UGGT2: variants seen among roughly 807,000 people sequenced by gnomAD.
UGGT2 encodes UDP-glucose glycoprotein glucosyltransferase 2.
In UGGT2, 180 loss-of-function variants were observed where a neutral mutation model predicts 192.1. The ratio of observed to expected loss-of-function variants is 0.94; its 90% CI spans 0.83 to 1.06. The LOEUF (loss-of-function observed/expected upper bound fraction) is 1.06, where lower values mean the gene tolerates loss of function less well. UGGT2 is among the 50% of genes least tolerant of loss of function. The probability of loss-of-function intolerance (pLI) is 0.00; values close to 1 mark genes in which losing one functional copy is unlikely to be tolerated. For missense variants in UGGT2, 1,849 were observed against 1,795.7 expected (o/e 1.03, Z -0.54); for synonymous variants, 580 against 591.0 (o/e 0.98, Z 0.27).
intron 1 of UGGT2, among the ~76,000 whole-genome samples, chr13:96,036,371 TG>T (rs1280120372): frequency 6.6e-6 from 1 of 151,950 alleles, no homozygotes; most frequent in African/African-American, 2.4e-5. Flanking sequence ...CATGGACACA[TG>T]GGGGTAACGA....
At position 96,019,125 on chromosome 13, in the gene UGGT2, G is replaced by T. The variant is rs1454404152; in HGVS notation, c.485+3915C>A. The stretch of plus-strand genomic sequence containing the variant: ...TTATTAACTTTGCCCTACATAGCGG[G>T]GGGGGGGGGGGGGAATGTTTCTGTC... On this transcript the variant is annotated intron_variant, in intron 4 of 38. Transcript: ENST00000376747. Among the ~76,000 whole-genome samples, 14 of 23,818 alleles carry T rather than the reference G, an allele frequency of 5.9e-4. 2 individuals carry two copies. Among genetic ancestry groups the T allele is most frequent in the Non-Finnish European group, 9.4e-5 (1 of 10,692 alleles). The allele number at this position is 23,818 out of a possible 152,430, so 15.6% of individuals were successfully genotyped here.
chr13:96,001,598 C>T (rs1490998351), intron 5 of UGGT2, among the ~76,000 whole-genome samples: 2 of 152,124 alleles, frequency 1.3e-5, no homozygotes, highest in Non-Finnish European at 2.9e-5. Context: ...ATGGGCATAG[C>T]TCCCCAGGGG....
intron 38 of UGGT2, among the ~76,000 whole-genome samples, chr13:95,825,644 G>A (rs558532115): frequency 3.6e-4 from 55 of 152,268 alleles, no homozygotes; most frequent in Admixed American, 6.5e-4. Context: ...GAGCTCCTGT[G>A]GGAGAAGCCC....
intron 10 of UGGT2, among the ~76,000 whole-genome samples, chr13:95,977,235 A>C (rs146817550): frequency 4.3e-4 from 65 of 152,344 alleles, no homozygotes; most frequent in African/African-American, 1.5e-3. Context: ...TCTGCACAGC[A>C]AAAGAAACTA....
intron 15 of UGGT2, among the ~76,000 whole-genome samples, chr13:95,946,725 T>C (rs982503699): frequency 2.6e-5 from 4 of 152,198 alleles, no homozygotes; most frequent in African/African-American, 4.8e-5. Context: ...TAAATAATCA[T>C]TTTCTATTAA....
At chr13:95,928,759 C>T (rs931017624) in intron 17 of UGGT2, among the ~76,000 whole-genome samples, 10 of 151,870 alleles carry the variant, frequency 6.6e-5, no homozygotes, top group Non-Finnish European at 1.0e-4. Context: ...GATGTGCGGC[C>T]AGGCAGAGAT....
chr13:95,830,725 CCTCA>C (rs1886575434), intron 38 of UGGT2, among the ~76,000 whole-genome samples: 1 of 152,204 alleles, frequency 6.6e-6, no homozygotes, highest in Non-Finnish European at 1.5e-5. Context: ...TGTGGCGATT[CCTCA>C]AGGATCTAAA....
chr13:96,046,551 A>C (rs1170117723), intron 1 of UGGT2, among the ~76,000 whole-genome samples: 1 of 152,208 alleles, frequency 6.6e-6, no homozygotes, highest in African/African-American at 2.4e-5. Context: ...GCGATGCAGA[A>C]GAAAGGTGAT....
intron 4 of UGGT2, among the ~76,000 whole-genome samples, chr13:96,020,718 T>G (rs1224121154): frequency 3.9e-5 from 6 of 152,108 alleles, no homozygotes; most frequent in Non-Finnish European, 8.8e-5. Flanking sequence ...TTGACCTTTT[T>G]CTTCTCGACC....
intron 21 of UGGT2, 45 bp from the exon 22 acceptor site, chr13:95,900,983 A>C (rs747494595): frequency 1.1e-5 from 14 of 1,321,558 alleles, no homozygotes; most frequent in Non-Finnish European, 1.3e-5. Context: ...GAGAACAGTA[A>C]ATATATTAAA....
chr13:95,834,217 T>TTGTGTG (rs3052314), intron 37 of UGGT2, among the ~76,000 whole-genome samples: 27 of 150,964 alleles, frequency 1.8e-4, no homozygotes, highest in African/African-American at 6.1e-4. Flanking sequence ...TACATTGGGT[T>TTGTGTG]TGTGTGTGTG....
At chr13:95,846,226 C>G (rs1252862605) in intron 36 of UGGT2, among the ~76,000 whole-genome samples, 2 of 152,174 alleles carry the variant, frequency 1.3e-5, no homozygotes, top group East Asian at 3.9e-4. Flanking sequence ...AGCTGGAGAC[C>G]AGCCTGGCCG....
In UGGT2 at chr13:95,929,657, T is replaced by C. The variant is rs183013974; in HGVS notation, c.1978-2321A>G. On this transcript the variant is annotated intron_variant, in intron 17 of 38. Coordinates refer to ENST00000376747, the MANE Select transcript of UGGT2 (RefSeq NM_020121.4). Reference sequence around the variant, plus strand: ...TGGGTGCGTAGTATTCCATGGTGTATATATGCACCACATTTTCTTTAACCA... The same window carrying C: ...TGGGTGCGTAGTATTCCATGGTGTACATATGCACCACATTTTCTTTAACCA... Among the ~76,000 whole-genome samples the C allele has an allele frequency of 6.6e-5, 10 of 152,318 alleles. No individual in the cohort carries two copies. The East Asian group carries it at 1.5e-3, about 24-fold the overall frequency.
intron 38 of UGGT2, among the ~76,000 whole-genome samples, chr13:95,817,087 C>A (rs955521727): frequency 1.3e-5 from 2 of 152,082 alleles, no homozygotes; most frequent in Non-Finnish European, 2.9e-5. Context: ...GAGATCACAC[C>A]ATTGCATTCC....
chr13:96,002,656 T>C (rs191864745), intron 5 of UGGT2, among the ~76,000 whole-genome samples: 15 of 152,326 alleles, frequency 9.8e-5, no homozygotes, highest in Non-Finnish European at 1.2e-4. Context: ...CACTCAAGAA[T>C]ATTTAAGATT....
At chr13:95,925,903 AATGTT>A in intron 19 of UGGT2, 129 bp from the exon 20 acceptor site, 2 of 547,192 alleles carry the variant, frequency 3.7e-6, no homozygotes, top group Middle Eastern at 5.1e-4. Context: ...AGATTTTTAA[AATGTT>A]ATGTGTGAAT....
intron 36 of UGGT2, among the ~76,000 whole-genome samples, chr13:95,851,947 A>G (rs1889093958): frequency 6.6e-6 from 1 of 152,222 alleles, no homozygotes; most frequent in Admixed American, 6.5e-5. Flanking sequence ...AAATGTATTC[A>G]TAATCGAAAT....
rs937380104 is a variant in UGGT2, at chr13:95,856,314, C to T, written c.3852G>A (p.Glu1284=). The T allele has an allele frequency of 1.2e-5, 19 of 1,610,288 alleles. No individual in the cohort carries two copies. Among genetic ancestry groups the T allele is most frequent in the Admixed American group, 3.4e-5 (2 of 58,718 alleles). ...GAACTAGTTCATATCGGAATCCATA[C>T]TCTTTAGCCATGTGAGGAATTACTT... The part of the protein sequence containing the change: ...FKEVIPHMAK[E]YGFRYELVQY... The change falls in exon 34 of 39, where the codon GAG becomes GAA. Residue 1284 remains glutamate, a synonymous_variant. Transcript: ENST00000376747.
At chr13:95,821,870 G>C (rs182284962) in intron 38 of UGGT2, among the ~76,000 whole-genome samples, 58 of 152,098 alleles carry the variant, frequency 3.8e-4, no homozygotes, top group Non-Finnish European at 7.1e-4. Context: ...ACAGTTGGCT[G>C]TAAGTATTTG....
Sources: gnomAD v4.1 joint callset for allele counts (sites outside exome capture counted in the v4.1 genomes callset) on GRCh38, gnomAD v4.1.1 for gene constraint, MANE v1.5 for transcripts, NCBI Gene and HGNC (gene_info 2026-07-23, HGNC 2026-07-21) for gene names.